COL11A1: variants seen among roughly 807,000 people sequenced by gnomAD.
COL11A1 encodes collagen type XI alpha 1 chain, also known as collagen alpha-1(XI) chain.
Under a neutral mutation model 265.2 loss-of-function variants are expected in COL11A1, and 74 were observed. The ratio of observed to expected loss-of-function variants is 0.28; its 90% CI spans 0.23 to 0.34. The LOEUF (loss-of-function observed/expected upper bound fraction) is 0.34, where lower values mean the gene tolerates loss of function less well. Ranked by LOEUF, COL11A1 falls within the 10% of genes least tolerant of loss-of-function variation. The pLI, the probability that COL11A1 is intolerant of heterozygous loss-of-function variation, is 1.00. For missense variants in COL11A1, 2,165 were observed against 2,263.6 expected, an observed-to-expected ratio of 0.96 and a Z score of 0.88; for synonymous variants, 816 against 727.6, an observed-to-expected ratio of 1.12 and a Z score of -1.96.
intron 1 of COL11A1, among the ~76,000 whole-genome samples, chr1:103,084,172 C>A (rs1460576514): frequency 6.6e-6 from 1 of 152,020 alleles, no homozygotes; most frequent in African/African-American, 2.4e-5. Flanking sequence ...CAATATTGTA[C>A]AACTATAATT....
intron 4 of COL11A1, among the ~76,000 whole-genome samples, chr1:103,044,569 C>T (rs754900171): frequency 2.0e-5 from 3 of 152,046 alleles, no homozygotes; most frequent in Non-Finnish European, 4.4e-5. Context: ...AGGATTCTTA[C>T]TAAAGCATAA....
intron 47 of COL11A1, among the ~76,000 whole-genome samples, chr1:102,921,857 C>CT (rs1415718428): frequency 6.6e-6 from 1 of 152,034 alleles, no homozygotes; most frequent in African/African-American, 2.4e-5. Flanking sequence ...CACAATATAA[C>CT]TAGATATATT....
intron 1 of COL11A1, among the ~76,000 whole-genome samples, chr1:103,107,077 C>G (rs979013481): frequency 3.3e-5 from 5 of 152,266 alleles, no homozygotes; most frequent in East Asian, 1.9e-4. Flanking sequence ...AGGCACCTAA[C>G]GGACCGCTCC....
chr1:103,107,273 AC>A (rs1241520668), intron 1 of COL11A1, among the ~76,000 whole-genome samples: 1 of 130,746 alleles, frequency 7.6e-6, no homozygotes, highest in Non-Finnish European at 1.6e-5. Context: ...CCCTACCCAC[AC>A]CCCCTCCCCT....
Position 103,049,007 on chromosome 1 carries a change from C to T in COL11A1, c.652-17763G>A, listed in dbSNP as rs575759277. 6.2e-4 allele frequency among the ~76,000 whole-genome samples: 94 copies of T among 152,216 alleles called. 1 individual carries two copies. Among genetic ancestry groups the T allele is most frequent in the African/African-American group, 2.2e-3 (93 of 41,536 alleles). ...GTTCTTTTACATTTGCTGAGGAGTG[C>T]TTTACTTCCAAATATGTGGTCAATT... On this transcript the variant is annotated intron_variant, in intron 4 of 66. Transcript: ENST00000370096.
chr1:102,909,225 G>A (rs576503709), intron 54 of COL11A1, among the ~76,000 whole-genome samples: 62 of 152,032 alleles, frequency 4.1e-4, no homozygotes, highest in Non-Finnish European at 7.9e-4. Context: ...GTTAAAAAGT[G>A]CCTGGCACCT....
chr1:103,012,599 A>G (rs1666222213), intron 13 of COL11A1, 130 bp from the exon 14 acceptor site: 2 of 733,086 alleles, frequency 2.7e-6, no homozygotes, highest in South Asian at 3.2e-5. Flanking sequence ...CATGCTAGAA[A>G]GAGTGTCAGG....
rs1208001794 is a variant in COL11A1, at chr1:102,876,952, T to A, written c.*1067A>T. ...ATTTGTTGGGCAAGTAAAATAATTT[T>A]CGAGACTGTTATAATATGCAACTTA... is the stretch of plus-strand genomic sequence containing the variant. On this transcript the variant is annotated 3_prime_UTR_variant, in exon 67 of 67. Transcript: ENST00000370096. 6.6e-6 allele frequency: 1 copy of A among 152,532 alleles called. No homozygotes were observed. The highest frequency in any genetic ancestry group is 6.6e-5 in the Admixed American group (1 of 15,248). 9.4% of individuals were successfully genotyped at this position (152,532 alleles called of 1,614,324 possible).
intron 1 of COL11A1, among the ~76,000 whole-genome samples, chr1:103,090,575 A>G (rs530699173): frequency 6.6e-6 from 1 of 152,200 alleles, no homozygotes; most frequent in African/African-American, 2.4e-5. Context: ...CAAATTCAGT[A>G]GTTATTATTT....
chr1:103,080,502 G>T (rs1463573483), intron 2 of COL11A1, among the ~76,000 whole-genome samples: 7 of 151,822 alleles, frequency 4.6e-5, no homozygotes, highest in Admixed American at 4.6e-4. Context: ...AATTAAAAAT[G>T]GACAAGATGT....
chr1:102,961,875 T>G lies in COL11A1; in HGVS notation c.3159A>C (p.Pro1053=), dbSNP rs930535487. The change falls in exon 41 of 67, where the codon CCA becomes CCC. Residue 1053 remains proline (P), a synonymous_variant. Transcript: ENST00000370096. ...LKGGEGPQGP[P]GPVGSPGERG... ...TTATCATCATACTTACAACTGGACCTGGTGGGCCCTGGGGACCTTCCCCTC... is the reference window on the plus strand; with the variant it reads ...TTATCATCATACTTACAACTGGACCGGGTGGGCCCTGGGGACCTTCCCCTC... 6.8e-6 allele frequency: 11 copies of G among 1,613,148 alleles called. No homozygotes were observed. Among genetic ancestry groups the G allele is most frequent in the Non-Finnish European group, 9.3e-6 (11 of 1,179,546 alleles).
intron 2 of COL11A1, among the ~76,000 whole-genome samples, chr1:103,080,758 A>C (rs965248364): frequency 4.6e-5 from 7 of 151,844 alleles, no homozygotes; most frequent in African/African-American, 1.7e-4. Flanking sequence ...AATAGTAAAA[A>C]ATTTCCTCAA....
chr1:102,994,023 T>C (rs1474510038), intron 28 of COL11A1, among the ~76,000 whole-genome samples: 1 of 152,152 alleles, frequency 6.6e-6, no homozygotes, highest in Non-Finnish European at 1.5e-5. Context: ...GCCTTTTTCA[T>C]GTAATAAATC....
rs1199150994 is a variant in COL11A1, at chr1:103,108,309, CA to C, written c.-132del. 10 of 732,932 alleles carry C rather than the reference CA, an allele frequency of 1.4e-5. No homozygotes were observed. The highest frequency in any genetic ancestry group is 2.0e-5 in the Non-Finnish European group (8 of 408,868). 45.4% of individuals were successfully genotyped at this position (732,932 alleles called of 1,614,324 possible). On this transcript the variant is annotated 5_prime_UTR_variant, in exon 1 of 67. Transcript: ENST00000370096. ...TTGGGGAGGGAGAGGGGGAAAAAGT[CA>C]AAGGGCTTTTTCTTCTAAATTTGAT...
intron 41 of COL11A1, among the ~76,000 whole-genome samples, chr1:102,957,163 A>G (rs1557870381): frequency 6.6e-6 from 1 of 152,022 alleles, no homozygotes; most frequent in Non-Finnish European, 1.5e-5. Flanking sequence ...GTGTCATAAT[A>G]ACGACCTATG....
intron 62 of COL11A1, among the ~76,000 whole-genome samples, 191 bp from the exon 63 acceptor site, chr1:102,887,247 G>A (rs114345888): frequency 2.0e-5 from 3 of 152,188 alleles, no homozygotes; most frequent in African/African-American, 7.2e-5. Flanking sequence ...TGAACTTGGT[G>A]GAGATATTGA....
chr1:102,983,076 A>G (rs990000700), intron 31 of COL11A1, among the ~76,000 whole-genome samples: 5 of 152,090 alleles, frequency 3.3e-5, no homozygotes, highest in African/African-American at 1.2e-4. Flanking sequence ...ACATTTATAT[A>G]TTAATTCACT....
intron 14 of COL11A1, 82 bp downstream of exon 14, chr1:103,012,331 T>C: frequency 1.0e-6 from 1 of 1,003,136 alleles, no homozygotes; most frequent in Non-Finnish European, 1.6e-6. Flanking sequence ...ACCATAGATA[T>C]GCACAATCCC....
chr1:102,987,553 C>A, intron 30 of COL11A1, 80 bp downstream of exon 30: 1 of 1,046,330 alleles, frequency 9.6e-7, no homozygotes, highest in Non-Finnish European at 1.5e-6. Flanking sequence ...CAATTTCTGA[C>A]ACCAGTTATT....
Sources: allele counts gnomAD v4.1 joint callset (sites outside exome capture counted in the v4.1 genomes callset), GRCh38; gene constraint gnomAD v4.1.1; transcripts MANE v1.5; gene names NCBI Gene and HGNC (gene_info 2026-07-23, HGNC 2026-07-21).